Variants in PDXDC1 observed in about 807,000 individuals in gnomAD.
PDXDC1 encodes the protein pyridoxal dependent decarboxylase domain containing 1.
Under a neutral mutation model 100.1 loss-of-function variants are expected in PDXDC1, and 42 were observed. The observed-to-expected ratio is 0.42, with a 90% CI of 0.33 to 0.54. The LOEUF (loss-of-function observed/expected upper bound fraction) is 0.54. Among genes scored for constraint, PDXDC1 ranks in the 20% least tolerant of loss-of-function variants. The pLI, the probability that PDXDC1 is intolerant of heterozygous loss-of-function variation, is 0.10. For synonymous variants in PDXDC1, 260 were observed against 371.7 expected, an observed-to-expected ratio of 0.70 and a Z score of 3.46; for missense variants, 636 against 979.2, an observed-to-expected ratio of 0.65 and a Z score of 4.68.
chr16:15,144,232 C>A (rs1795436341), downstream of PDXDC1, among the ~76,000 whole-genome samples: 1 of 152,240 alleles, frequency 6.6e-6, no homozygotes, highest in African/African-American at 2.4e-5. Flanking sequence ...GCCACCCCCA[C>A]TGTGGCCCCT....
At chr16:15,040,500 AAATC>A (rs1263230197), downstream of PDXDC1, 1 of 176,454 alleles carries the variant, frequency 5.7e-6, no homozygotes, top group Non-Finnish European at 1.2e-5. Context: ...CCACCCAGCT[AAATC>A]AATCAAGTAT....
intron 16 of PDXDC1, among the ~76,000 whole-genome samples, chr16:15,076,986 T>C (rs965475738): frequency 1.2e-4 from 18 of 151,418 alleles, no homozygotes; most frequent in Admixed American, 3.3e-4. Context: ...ATCACTTTTT[T>C]TTTTTTTTTT....
At chr16:15,094,250 G>A (rs530896268) in intron 16 of PDXDC1, 14 of 1,554,660 alleles carry the variant, frequency 9.0e-6, no homozygotes, top group East Asian at 4.7e-5. Context: ...GAACTAACGC[G>A]ACCGCTGCGC....
chr16:15,061,799 G>C lies in PDXDC1; in HGVS notation c.1399+31743G>C, dbSNP rs1455321211. ...GGGTGGGGAGCCCACACTACTTGAAGGACTTCGGAAATGCGTGTCAAAGGA... is the reference window on the plus strand; with the variant it reads ...GGGTGGGGAGCCCACACTACTTGAACGACTTCGGAAATGCGTGTCAAAGGA... On this transcript the variant is annotated intron_variant, in intron 16 of 16. Coordinates refer to the PDXDC1 transcript ENST00000535621. 5 of 1,614,034 alleles carry C rather than the reference G, an allele frequency of 3.1e-6. No individual in the cohort carries two copies. The African/African-American group carries it at 5.3e-5, about 17-fold the overall frequency.
chr16:15,036,435 AGG>A lies in PDXDC1; in HGVS notation c.*163_*164del. 1 of 664,580 alleles carries A rather than the reference AGG, an allele frequency of 1.5e-6. No individual in the cohort carries two copies. The highest frequency in any genetic ancestry group is 2.0e-5 in the South Asian group (1 of 50,150). The allele number at this position is 664,580 out of a possible 1,614,324, so 41.2% of individuals were successfully genotyped here. On this transcript the variant is annotated 3_prime_UTR_variant, in exon 23 of 23. Transcript: ENST00000396410. Reference sequence around the variant, plus strand: ...GTGCCTGAAAGGTAGGCTTTCTAGGAGGGGAGTCAGCTTGTCTAACTTCATGT... The same window carrying A: ...GTGCCTGAAAGGTAGGCTTTCTAGGAGGAGTCAGCTTGTCTAACTTCATGT...
intron 15 of PDXDC1, 50 bp downstream of exon 15, chr16:15,029,016 A>AGCAGG: frequency 1.9e-6 from 3 of 1,578,364 alleles, no homozygotes; most frequent in Non-Finnish European, 2.6e-6. Flanking sequence ...GTCCATCACC[A>AGCAGG]TCCGACCTGC....
chr16:15,129,267 G>C (rs982213311), intron 16 of PDXDC1, among the ~76,000 whole-genome samples: 2 of 150,854 alleles, frequency 1.3e-5, no homozygotes, highest in South Asian at 4.2e-4. Flanking sequence ...TCAGGAGTTC[G>C]CCTGGCTGAC....
intron 16 of PDXDC1, chr16:15,125,489 C>A: frequency 1.7e-6 from 2 of 1,200,226 alleles, no homozygotes; most frequent in Non-Finnish European, 1.2e-6. Flanking sequence ...AGCCCGCACA[C>A]CCCCGGTACT....
chr16:15,126,138 G>A (rs1409528725), intron 16 of PDXDC1, among the ~76,000 whole-genome samples: 22 of 151,858 alleles, frequency 1.4e-4, no homozygotes, highest in African/African-American at 5.1e-4. Context: ...GCGTTCAGGC[G>A]ATTGTCCTGG....
At chr16:15,069,298 C>T (rs1260080923) in intron 16 of PDXDC1, among the ~76,000 whole-genome samples, 5 of 152,028 alleles carry the variant, frequency 3.3e-5, no homozygotes, top group African/African-American at 9.7e-5. Flanking sequence ...GGACAGCCCC[C>T]GACGATGAAG....
chr16:15,059,378 C>CA (rs934861942), intron 16 of PDXDC1, among the ~76,000 whole-genome samples: 1 of 151,734 alleles, frequency 6.6e-6, no homozygotes, highest in Non-Finnish European at 1.5e-5. Context: ...TATCTTTAAC[C>CA]AAAAAAAACT....
intron 16 of PDXDC1, chr16:15,084,826 G>A (rs2151811856): frequency 1.4e-6 from 1 of 736,958 alleles, no homozygotes; most frequent in South Asian, 1.5e-5. Context: ...AGCACTTTGG[G>A]AGGCCGAGGT....
intron 1 of PDXDC1, among the ~76,000 whole-genome samples, chr16:14,978,297 T>C (rs1187030583): frequency 1.3e-5 from 2 of 152,294 alleles, no homozygotes; most frequent in Non-Finnish European, 2.9e-5. Context: ...TGTGTACTTA[T>C]GTTAATATTC....
intron 16 of PDXDC1, chr16:15,128,297 T>C: frequency 6.2e-7 from 1 of 1,610,392 alleles, no homozygotes; most frequent in Non-Finnish European, 8.5e-7. Flanking sequence ...ATGTCCAGGC[T>C]GTTGCGGTGG....
At chr16:15,087,907 G>C (rs1262047997) in intron 16 of PDXDC1, among the ~76,000 whole-genome samples, 1 of 151,990 alleles carries the variant, frequency 6.6e-6, no homozygotes, top group Non-Finnish European at 1.5e-5. Flanking sequence ...CTGAGGTTGG[G>C]AGTTCGAGAT....
the PDXDC1 span, among the ~76,000 whole-genome samples, chr16:15,146,600 C>A: frequency 1.3e-5 from 2 of 152,260 alleles, no homozygotes; most frequent in East Asian, 3.9e-4. Context: ...GCGCTGAAGG[C>A]ACCGAGGCTG....
chr16:15,065,097 C>T (rs1246015830), intron 16 of PDXDC1: 18 of 962,948 alleles, frequency 1.9e-5, no homozygotes, highest in South Asian at 7.0e-5. Context: ...ACCCGGGAGG[C>T]GGAGCTTGCG....
intron 16 of PDXDC1, chr16:15,123,545 C>T (rs1345784061): frequency 1.6e-6 from 1 of 631,746 alleles, no homozygotes; most frequent in South Asian, 1.7e-5. Flanking sequence ...CCATCACATC[C>T]ATGTAGCCAT....
chr16:15,009,367 T>C (rs1336444814), intron 7 of PDXDC1: 1 of 473,444 alleles, frequency 2.1e-6, no homozygotes, highest in East Asian at 5.0e-5. Context: ...TGAGTAATAG[T>C]AGAGATACAT....
Sources: allele counts gnomAD v4.1 joint callset (sites outside exome capture counted in the v4.1 genomes callset), GRCh38; gene constraint gnomAD v4.1.1; transcripts MANE v1.5; gene names NCBI Gene and HGNC (gene_info 2026-07-23, HGNC 2026-07-21).